Variants in SLC25A21 observed in about 807,000 individuals in gnomAD.
SLC25A21 encodes the protein mitochondrial 2-oxodicarboxylate carrier.
In SLC25A21, 47 loss-of-function variants were observed where a neutral mutation model predicts 43.8. The observed-to-expected ratio is 1.07, with a 90% CI of 0.85 to 1.37. The LOEUF (loss-of-function observed/expected upper bound fraction) is 1.37, where lower values mean the gene tolerates loss of function less well. Among genes scored for constraint, SLC25A21 ranks in the 40% most tolerant of loss-of-function variants. The pLI, the probability that SLC25A21 is intolerant of heterozygous loss-of-function variation, is 0.00. For synonymous variants in SLC25A21, 131 were observed against 121.3 expected, an observed-to-expected ratio of 1.08 and a Z score of -0.52; for missense variants, 352 against 350.2, an observed-to-expected ratio of 1.00 and a Z score of -0.04.
chr14:36,738,311 G>C (rs941003472), intron 3 of SLC25A21, among the ~76,000 whole-genome samples: 1 of 152,164 alleles, frequency 6.6e-6, no homozygotes, highest in Non-Finnish European at 1.5e-5. Context: ...TTATGAAGCA[G>C]ATACTTTTTT....
chr14:36,830,739 T>C (rs1200711476), intron 2 of SLC25A21, among the ~76,000 whole-genome samples: 3 of 152,198 alleles, frequency 2.0e-5, no homozygotes, highest in East Asian at 3.9e-4. Flanking sequence ...TCACCACACA[T>C]AGAAACCCAC....
At chr14:36,812,935 T>A (rs1032960737) in intron 3 of SLC25A21, among the ~76,000 whole-genome samples, 2 of 152,172 alleles carry the variant, frequency 1.3e-5, no homozygotes, top group Non-Finnish European at 1.5e-5. Context: ...GAATCCCTAC[T>A]ACATAATAGA....
At chr14:37,170,706 T>C (rs1964108735) in intron 1 of SLC25A21, among the ~76,000 whole-genome samples, 1 of 151,574 alleles carries the variant, frequency 6.6e-6, no homozygotes, top group Non-Finnish European at 1.5e-5. Flanking sequence ...GGGGTCAGAT[T>C]GCTTGAACCC....
chr14:36,845,266 T>A (rs1889506312), intron 2 of SLC25A21, among the ~76,000 whole-genome samples: 1 of 152,184 alleles, frequency 6.6e-6, no homozygotes, highest in Non-Finnish European at 1.5e-5. Context: ...ATATTAATTT[T>A]AAAATATGAC....
At chr14:36,893,570 G>A (rs1359245684) in intron 1 of SLC25A21, among the ~76,000 whole-genome samples, 1 of 152,152 alleles carries the variant, frequency 6.6e-6, no homozygotes, top group African/African-American at 2.4e-5. Flanking sequence ...TGTCAATTTT[G>A]GCTTTTGTTG....
intron 2 of SLC25A21, among the ~76,000 whole-genome samples, chr14:36,846,875 CG>C (rs1203085471): frequency 3.3e-5 from 5 of 152,128 alleles, no homozygotes; most frequent in African/African-American, 1.2e-4. Context: ...ATAATGTACA[CG>C]GGTCTTAGTC....
intron 1 of SLC25A21, among the ~76,000 whole-genome samples, chr14:36,891,958 A>T (rs1891084405): frequency 6.6e-6 from 1 of 152,170 alleles, no homozygotes; most frequent in South Asian, 2.1e-4. Context: ...CTGCTACATG[A>T]AAGAGAAATA....
chr14:36,820,040 T>C (rs192592624), intron 2 of SLC25A21, among the ~76,000 whole-genome samples: 3 of 152,302 alleles, frequency 2.0e-5, no homozygotes, highest in Admixed American at 6.5e-5. Context: ...TATGATTATT[T>C]GGGGTGCTTT....
At chr14:36,996,150 T>C (rs1960367244) in intron 1 of SLC25A21, among the ~76,000 whole-genome samples, 1 of 152,152 alleles carries the variant, frequency 6.6e-6, no homozygotes, top group African/African-American at 2.4e-5. Flanking sequence ...TCAGGGAATA[T>C]CACAACCCTT....
intron 1 of SLC25A21, among the ~76,000 whole-genome samples, chr14:37,034,821 G>C (rs1461650809): frequency 1.3e-5 from 2 of 152,200 alleles, no homozygotes. Flanking sequence ...GTTGTTGATG[G>C]ACACAGGAGG....
chr14:37,036,271 G>A (rs563008071), intron 1 of SLC25A21, among the ~76,000 whole-genome samples: 126 of 152,212 alleles, frequency 8.3e-4, no homozygotes, highest in Non-Finnish European at 1.5e-3. Context: ...TCAAAAAGTA[G>A]CTGCAGATCA....
chr14:36,880,661 T>C (rs1263578802), intron 1 of SLC25A21, among the ~76,000 whole-genome samples: 2 of 152,212 alleles, frequency 1.3e-5, no homozygotes, highest in African/African-American at 4.8e-5. Flanking sequence ...TCAAGATAAA[T>C]TGAACTGGCA....
chr14:36,842,595 A>AT (rs1186116566), intron 2 of SLC25A21, among the ~76,000 whole-genome samples: 1 of 152,212 alleles, frequency 6.6e-6, no homozygotes, highest in Admixed American at 6.5e-5. Context: ...GTTGCCTATT[A>AT]TTTGCAGTTA....
intron 1 of SLC25A21, among the ~76,000 whole-genome samples, chr14:36,992,944 T>A (rs1398675566): frequency 6.6e-6 from 1 of 152,238 alleles, no homozygotes; most frequent in Non-Finnish European, 1.5e-5. Context: ...ACTTCCTTTC[T>A]GTGTAGTTTT....
intron 1 of SLC25A21, among the ~76,000 whole-genome samples, chr14:37,016,237 A>T (rs1246873143): frequency 1.3e-5 from 2 of 152,114 alleles, no homozygotes; most frequent in Non-Finnish European, 2.9e-5. Context: ...TAAGGAAGGG[A>T]TCCAGTTTCA....
intron 1 of SLC25A21, among the ~76,000 whole-genome samples, chr14:36,940,274 A>G (rs1358791868): frequency 6.6e-6 from 1 of 152,022 alleles, no homozygotes; most frequent in South Asian, 2.1e-4. Flanking sequence ...TTTTTCATTC[A>G]TTTTCTTCCA....
chr14:36,829,396 T>C (rs543830079), intron 2 of SLC25A21, among the ~76,000 whole-genome samples: 1 of 152,286 alleles, frequency 6.6e-6, no homozygotes, highest in East Asian at 1.9e-4. Flanking sequence ...GCTTGCTGGT[T>C]CTGTCAACAG....
At chr14:36,752,593 T>G (rs993459892) in intron 3 of SLC25A21, among the ~76,000 whole-genome samples, 4 of 152,146 alleles carry the variant, frequency 2.6e-5, no homozygotes, top group African/African-American at 9.7e-5. Context: ...TGCTATAACA[T>G]GAGTACACCA....
At chr14:37,064,440 A>G (rs1962016525) in intron 1 of SLC25A21, among the ~76,000 whole-genome samples, 1 of 151,462 alleles carries the variant, frequency 6.6e-6, no homozygotes, top group African/African-American at 2.4e-5. Flanking sequence ...CTCTTTTTCT[A>G]CCTTCTGTTG....
Sources: gnomAD v4.1 joint callset for allele counts (sites outside exome capture counted in the v4.1 genomes callset) on GRCh38, gnomAD v4.1.1 for gene constraint, MANE v1.5 for transcripts, NCBI Gene and HGNC (gene_info 2026-07-23, HGNC 2026-07-21) for gene names.